Variants in GRB2 observed in about 807,000 individuals in gnomAD.
GRB2 encodes growth factor receptor bound protein 2.
A neutral mutation model predicts 27.4 loss-of-function variants in GRB2; 2 were observed. That is an observed-to-expected ratio of 0.07 (90% CI 0.03 to 0.23). The LOEUF is 0.23. Among genes scored for constraint, GRB2 ranks in the 10% least tolerant of loss-of-function variants. GRB2 has a pLI of 1.00. For synonymous variants in GRB2, 94 were observed against 99.6 expected, an observed-to-expected ratio of 0.94 and a Z score of 0.33; for missense variants, 102 against 282.4, an observed-to-expected ratio of 0.36 and a Z score of 4.58.
chr17:75,354,270 G>GGGGGT (rs2078715269), intron 2 of GRB2, among the ~76,000 whole-genome samples: 7 of 121,020 alleles, frequency 5.8e-5, no homozygotes, highest in South Asian at 3.3e-4. Context: ...TTTTTGGGGG[G>GGGGGT]GGGGGGGAGA....
intron 2 of GRB2, among the ~76,000 whole-genome samples, chr17:75,356,804 T>C (rs1183433852): frequency 1.3e-5 from 2 of 152,214 alleles, no homozygotes; most frequent in Non-Finnish European, 2.9e-5. Flanking sequence ...AGCACTTTCT[T>C]GGCTTCCAAG....
chr17:75,356,358 A>C (rs2078733638), intron 2 of GRB2, among the ~76,000 whole-genome samples: 1 of 151,764 alleles, frequency 6.6e-6, no homozygotes, highest in African/African-American at 2.4e-5. Flanking sequence ...TTCTCTAAAA[A>C]TTAGTTAGGT....
At chr17:75,354,247 T>G (rs2078714194) in intron 2 of GRB2, among the ~76,000 whole-genome samples, 1 of 119,174 alleles carries the variant, frequency 8.4e-6, no homozygotes, top group African/African-American at 2.7e-5. Flanking sequence ...GCAAAGTTTA[T>G]TCATGGTCTT....
chr17:75,399,333 G>A (rs1428008627), intron 1 of GRB2, among the ~76,000 whole-genome samples: 2 of 151,076 alleles, frequency 1.3e-5, no homozygotes, highest in African/African-American at 4.9e-5. Context: ...GGATTACAGG[G>A]GTGAGCCACC....
intron 2 of GRB2, among the ~76,000 whole-genome samples, chr17:75,370,656 G>A (rs917485171): frequency 4.6e-5 from 7 of 152,192 alleles, no homozygotes; most frequent in Non-Finnish European, 1.0e-4. Context: ...AAACTCAAGA[G>A]AGCCATCTGA....
chr17:75,405,634 G>A lies in GRB2; in HGVS notation c.-283C>T, dbSNP rs1598261984. 1.8e-5 allele frequency: 3 copies of A among 162,290 alleles called. No individual in the cohort carries two copies. Among genetic ancestry groups the A allele is most frequent in the Non-Finnish European group, 2.7e-5 (2 of 74,566 alleles). 10.1% of individuals were successfully genotyped at this position (162,290 alleles called of 1,614,324 possible). ...CACAGACTCTGCCACAGCCGCCGCC[G>A]CCGCTGCCGCCGCCCGGTCGCCGAA... On this transcript the variant is annotated 5_prime_UTR_variant, in exon 1 of 6. Transcript: ENST00000316804.
rs2078495885 is a variant in GRB2 at position 75,325,944 on chromosome 17, T to C, written c.253A>G (p.Ile85Val). The stretch of plus-strand genomic sequence containing the variant: ...CCAGGAGCGCTCTCACTCTCTCGGA[T>C]AAGAAAGGCCCCATCGTGCCGCTGT... ...SKQRHDGAFL[I>V]RESESAPGDF... The change falls in exon 4 of 6, where the codon ATC (isoleucine) becomes GTC (valine). Residue 85 changes from isoleucine to valine, a missense_variant. By Grantham distance (29) the Ile-to-Val change is conservative. This residue lies in a region of GRB2 where 45 missense variants were observed against 110.6 expected (regional missense o/e 0.41). Transcript: ENST00000316804. The C allele has an allele frequency of 6.2e-7, 1 of 1,614,056 alleles. No individual in the cohort carries two copies. Among genetic ancestry groups the C allele is most frequent in the Non-Finnish European group, 8.5e-7 (1 of 1,179,976 alleles).
At chr17:75,404,038 A>C (rs1394787187) in intron 1 of GRB2, among the ~76,000 whole-genome samples, 3 of 151,504 alleles carry the variant, frequency 2.0e-5, no homozygotes, top group African/African-American at 7.3e-5. Context: ...GCTTGAACCC[A>C]GGAGGCAGAG....
rs553483285 is a variant in GRB2, at chr17:75,337,395, A to AT, written c.79-4599_79-4598insA. On this transcript the variant is annotated intron_variant, in intron 2 of 5. Coordinates refer to ENST00000316804, the MANE Select transcript of GRB2 (RefSeq NM_002086.5). ...TGAAGTGTCGGGTTAAAAAAAAAAA[A>AT]GAAAGAAAAAGAAAACAAAACAGCA... Among the ~76,000 whole-genome samples, 1,254 of 151,618 alleles carry AT rather than the reference A, an allele frequency of 8.3e-3. 12 individuals are homozygous for AT. Among genetic ancestry groups the AT allele is most frequent in the Non-Finnish European group, 0.012 (844 of 67,900 alleles).
intron 2 of GRB2, among the ~76,000 whole-genome samples, chr17:75,385,168 G>C (rs2078956277): frequency 6.6e-6 from 1 of 151,788 alleles, no homozygotes; most frequent in African/African-American, 2.4e-5. Context: ...TTGAGACTGA[G>C]AGGTCAAGGT....
At chr17:75,357,262 G>A (rs960574358) in intron 2 of GRB2, among the ~76,000 whole-genome samples, 3 of 152,212 alleles carry the variant, frequency 2.0e-5, no homozygotes, top group African/African-American at 7.2e-5. Flanking sequence ...GCCAAGAGGA[G>A]TCTAGAGAGA....
intron 2 of GRB2, among the ~76,000 whole-genome samples, chr17:75,359,369 G>A (rs952569523): frequency 2.0e-5 from 3 of 151,620 alleles, no homozygotes; most frequent in South Asian, 2.1e-4. Context: ...AGCCAGGCAC[G>A]GTGACACATG....
At chr17:75,394,623 G>A (rs1169066671) in intron 1 of GRB2, among the ~76,000 whole-genome samples, 1 of 152,202 alleles carries the variant, frequency 6.6e-6, no homozygotes, top group African/African-American at 2.4e-5. Flanking sequence ...AAGGAGCAGA[G>A]CTGAAGTCCT....
intron 2 of GRB2, among the ~76,000 whole-genome samples, chr17:75,346,860 G>C (rs1332803869): frequency 6.6e-6 from 1 of 152,048 alleles, no homozygotes; most frequent in Non-Finnish European, 1.5e-5. Flanking sequence ...ACTGTGCCCA[G>C]CCTGCTCTGA....
intron 3 of GRB2, among the ~76,000 whole-genome samples, chr17:75,330,566 C>T (rs143249905): frequency 2.6e-5 from 4 of 152,118 alleles, no homozygotes; most frequent in East Asian, 3.9e-4. Context: ...CCCAGCTACT[C>T]GGCAGGCTGA....
intron 2 of GRB2, among the ~76,000 whole-genome samples, chr17:75,386,400 G>A (rs1349290208): frequency 6.6e-6 from 1 of 152,214 alleles, no homozygotes; most frequent in East Asian, 1.9e-4. Flanking sequence ...TTATAGGCAT[G>A]AGCCACTGCG....
At chr17:75,396,826 G>A (rs1368393915) in intron 1 of GRB2, among the ~76,000 whole-genome samples, 1 of 152,252 alleles carries the variant, frequency 6.6e-6, no homozygotes, top group South Asian at 2.1e-4. Flanking sequence ...TACAATGATA[G>A]GAAAAGAATA....
chr17:75,379,170 C>T lies in GRB2; in HGVS notation c.78+14381G>A, dbSNP rs185796766. The stretch of plus-strand genomic sequence containing the variant: ...AGTAACTATGGCTATATGCATTAAA[C>T]GTTTTTTCTGAAAGGTTATAGAAAA... On this transcript the variant is annotated intron_variant, in intron 2 of 5. Coordinates refer to ENST00000316804, the MANE Select transcript of GRB2 (RefSeq NM_002086.5). 8.4e-3 allele frequency among the ~76,000 whole-genome samples: 1,273 copies of T among 152,082 alleles called. 14 individuals carry two copies. Among genetic ancestry groups the T allele is most frequent in the Non-Finnish European group, 0.012 (802 of 67,972 alleles).
chr17:75,345,101 T>A (rs1188676501), intron 2 of GRB2, among the ~76,000 whole-genome samples: 1 of 152,068 alleles, frequency 6.6e-6, no homozygotes, highest in Non-Finnish European at 1.5e-5. Context: ...TGGAGTGCAG[T>A]GGCGCAATCT....
Sources: allele counts gnomAD v4.1 joint callset (sites outside exome capture counted in the v4.1 genomes callset), GRCh38; gene constraint gnomAD v4.1.1; regional missense constraint gnomAD v4.1.1; transcripts MANE v1.5; gene names NCBI Gene and HGNC (gene_info 2026-07-23, HGNC 2026-07-21).